Variants in ERCC5 observed in about 807,000 individuals in gnomAD.
The protein encoded by ERCC5 is ERCC excision repair 5, endonuclease.
A neutral mutation model predicts 105.6 loss-of-function variants in ERCC5; 68 were observed. The observed-to-expected ratio is 0.64, with a 90% confidence interval of 0.53 to 0.79. ERCC5 has a LOEUF of 0.79. Among genes scored for constraint, ERCC5 ranks in the 30% least tolerant of loss-of-function variants. The probability of loss-of-function intolerance (pLI) is 0.00; values close to 1 mark genes in which losing one functional copy is unlikely to be tolerated. For synonymous variants in ERCC5, 546 were observed against 526.2 expected (o/e 1.04, Z -0.51); for missense variants, 1,373 against 1,426.7 (o/e 0.96, Z 0.61).
At chr13:102,866,160 A>G (rs1882828663) in intron 9 of ERCC5, 102 bp from the exon 10 acceptor site, 13 of 1,559,338 alleles carry the variant, frequency 8.3e-6, no homozygotes, top group Non-Finnish European at 1.1e-5. Context: ...CTAAGGAGAA[A>G]GAGCTTATTG....
intron 1 of ERCC5, 74 bp downstream of exon 1, chr13:102,846,428 G>C (rs1295245725): frequency 7.7e-7 from 1 of 1,293,910 alleles, no homozygotes; most frequent in Non-Finnish European, 1.1e-6. Flanking sequence ...TCTGCCTTGG[G>C]CACAGTGGCA....
In ERCC5 at chr13:102,865,823, A is replaced by G. The variant is rs754877957; in HGVS notation, c.2111A>G (p.Asn704Ser). Reference protein sequence around the residue: ...PAESESLLRDNSERDDVDGEP... With the variant: ...PAESESLLRDSSERDDVDGEP... ...GAGTCCGAGAGCCTCCTGAGGGACA[A>G]CTCTGAGAGGGACGACGTGGATGGT... Residue 704 changes from asparagine (N) to serine (S), a missense_variant, in exon 9 of 15, where the codon AAC becomes AGC. Coordinates refer to ENST00000652225, the MANE Select transcript of ERCC5 (RefSeq NM_000123.4). The surrounding 1 kb of genome is among the most constrained non-coding windows in gnomAD (Gnocchi z 4.0). 32 of 1,614,192 alleles carry G rather than the reference A, an allele frequency of 2.0e-5. No individual in the cohort carries two copies. The highest frequency in any genetic ancestry group is 5.5e-5 in the South Asian group (5 of 91,082).
intron 1 of ERCC5, 96 bp downstream of exon 1, chr13:102,846,450 A>T: frequency 9.0e-7 from 1 of 1,107,584 alleles, no homozygotes; most frequent in Non-Finnish European, 1.4e-6. Flanking sequence ...CTGCAGGATG[A>T]TGGTCTTGGG....
At chr13:102,847,640 G>A (rs1882028600) in intron 1 of ERCC5, among the ~76,000 whole-genome samples, 2 of 152,062 alleles carry the variant, frequency 1.3e-5, no homozygotes, top group South Asian at 2.1e-4. Flanking sequence ...TTTATACAGG[G>A]TACTTTGAAT....
intron 12 of ERCC5, 120 bp from the exon 13 acceptor site, chr13:102,872,078 T>A: frequency 8.7e-7 from 1 of 1,154,142 alleles, no homozygotes. Flanking sequence ...AAATATTCTA[T>A]ATAGCATACA....
intron 7 of ERCC5, 95 bp from the exon 8 acceptor site, chr13:102,861,935 A>C (rs912110548): frequency 2.7e-6 from 4 of 1,508,480 alleles, no homozygotes; most frequent in South Asian, 1.1e-5. Flanking sequence ...GTATATACTT[A>C]TTTATGAGAA....
chr13:102,875,599 G>A lies in ERCC5; in HGVS notation c.3257G>A (p.Gly1086Glu), dbSNP rs1248798110. The A allele has an allele frequency of 1.2e-6, 2 of 1,613,530 alleles. No homozygotes were observed. Among genetic ancestry groups the A allele is most frequent in the East Asian group, 2.2e-5 (1 of 44,880 alleles). The change falls in exon 15 of 15, where the codon GGA becomes GAA. Residue 1086 changes from glycine (G) to glutamate (E), a missense_variant. By Grantham distance (98) the Gly-to-Glu change is moderately conservative. Around this residue, in one of 3 missense-constraint regions of ERCC5, gnomAD observed 367 missense variants for 350.2 expected, o/e 1.05. Transcript: ENST00000652225. ...TCTAAAGGAAAGAATACATGCGGTG[G>A]ATTTTTGGGGGAGACCTGCCTCTCA... ...SDSKGKNTCG[G>E]FLGETCLSES...
chr13:102,871,398 T>C (rs903980283), intron 12 of ERCC5, among the ~76,000 whole-genome samples: 10 of 152,164 alleles, frequency 6.6e-5, no homozygotes, highest in Non-Finnish European at 1.3e-4. Flanking sequence ...ATGGAAAACA[T>C]TGAAAAATGA....
At chr13:102,848,303 G>GT (rs1882058631) in intron 1 of ERCC5, among the ~76,000 whole-genome samples, 1 of 152,044 alleles carries the variant, frequency 6.6e-6, no homozygotes, top group Admixed American at 6.6e-5. Flanking sequence ...TTATTGTATT[G>GT]TTTGTTAATG....
chr13:102,865,300 T>C lies in ERCC5; in HGVS notation c.1955-367T>C. On this transcript the variant is annotated intron_variant, in intron 8 of 14. Transcript: ENST00000652225. The surrounding 1 kb of genome is among the most constrained non-coding windows in gnomAD (Gnocchi z 4.0). ...TTTATTCTGTGCTGTGTAAATAGCATAAAAACATACTGAGCAACTTCCATG... is the reference window on the plus strand; with the variant it reads ...TTTATTCTGTGCTGTGTAAATAGCACAAAAACATACTGAGCAACTTCCATG... The C allele has an allele frequency of 3.0e-6, 1 of 334,776 alleles. No individual in the cohort carries two copies. Among genetic ancestry groups the C allele is most frequent in the Non-Finnish European group, 5.8e-6 (1 of 173,608 alleles). The allele number at this position is 334,776 out of a possible 1,614,324, so 20.7% of individuals were successfully genotyped here.
At chr13:102,855,832 T>G (rs1882394395) in intron 4 of ERCC5, among the ~76,000 whole-genome samples, 1 of 152,160 alleles carries the variant, frequency 6.6e-6, no homozygotes, top group South Asian at 2.1e-4. Flanking sequence ...CTATTGCATC[T>G]CTAGTGACCT....
At chr13:102,854,405 T>G (rs1882325517) in intron 4 of ERCC5, 31 bp downstream of exon 4, 4 of 1,601,036 alleles carry the variant, frequency 2.5e-6, no homozygotes, top group Non-Finnish European at 3.4e-6. Context: ...GAATATTATT[T>G]TAGTCATTGC....
chr13:102,866,032 T>C (rs1882822012), intron 9 of ERCC5, 121 bp downstream of exon 9: 1 of 1,580,296 alleles, frequency 6.3e-7, no homozygotes, highest in Non-Finnish European at 8.7e-7. Context: ...TTGTGGTTGC[T>C]GATGGCTTCA....
rs747830727 is a variant in ERCC5 at position 102,862,819 on chromosome 13, A to C, written c.1670A>C (p.Asp557Ala). 4 of 1,614,212 alleles carry C rather than the reference A, an allele frequency of 2.5e-6. No homozygotes were observed. Among genetic ancestry groups the C allele is most frequent in the South Asian group, 1.1e-5 (1 of 91,086 alleles). ...NELCPYESKFDSSLLSSDDET... is the reference protein window; with the variant it reads ...NELCPYESKFASSLLSSDDET... ...CTTTGCCCATATGAGAGTAAATTCG[A>C]TTCTTCTCTTCTTTCAAGTGATGAT... Residue 557 changes from aspartate to alanine, a missense_variant, in exon 8 of 15, where the codon GAT (aspartate) becomes GCT (alanine). Transcript: ENST00000652225.
At chr13:102,861,755 A>G (rs765460255) in intron 7 of ERCC5, 41 bp downstream of exon 7, 1 of 1,609,234 alleles carries the variant, frequency 6.2e-7, no homozygotes, top group South Asian at 1.1e-5. Context: ...TTAAAAAATC[A>G]AAGATATATC....
chr13:102,865,576 T>G lies in ERCC5; in HGVS notation c.1955-91T>G. The G allele has an allele frequency of 6.5e-7, 1 of 1,543,910 alleles. No homozygotes were observed. The highest frequency in any genetic ancestry group is 8.8e-7 in the Non-Finnish European group (1 of 1,135,088). ...TATCTTTCCTTTTTAGGATGTAGCA[T>G]TTTTCAGGTTCCTCCAGAAAGCTCT... On this transcript the variant is annotated intron_variant, in intron 8 of 14. Coordinates refer to ENST00000652225, the MANE Select transcript of ERCC5 (RefSeq NM_000123.4). The surrounding 1 kb of genome is among the most constrained non-coding windows in gnomAD (Gnocchi z 4.0).
In ERCC5 at chr13:102,863,110, G is replaced by T; in HGVS notation, c.1954+7G>T. 6.2e-7 allele frequency: 1 copy of T among 1,612,402 alleles called. No homozygotes were observed. Among genetic ancestry groups the T allele is most frequent in the Admixed American group, 1.7e-5 (1 of 60,030 alleles). ...GAAGAAAGTGAATCTGATGGTACGT[G>T]TCTGTGCTTTTGTAGAAATCTGGAA... On this transcript the variant is annotated splice_region_variant and intron_variant, in intron 8 of 14. Transcript: ENST00000652225.
At chr13:102,850,423 C>T (rs764443627) in intron 1 of ERCC5, among the ~76,000 whole-genome samples, 2 of 151,982 alleles carry the variant, frequency 1.3e-5, no homozygotes, top group Non-Finnish European at 2.9e-5. Context: ...TTGAGGAAAG[C>T]CCAGTAGCAG....
chr13:102,854,485 T>C lies in ERCC5; in HGVS notation c.467+111T>C, dbSNP rs55875760. The C allele has an allele frequency of 2.7e-5, 28 of 1,046,804 alleles. No individual in the cohort carries two copies. The East Asian group carries it at 7.2e-4, about 27-fold the overall frequency. 64.8% of individuals were successfully genotyped at this position (1,046,804 alleles called of 1,614,324 possible). Reference sequence around the variant, plus strand: ...AGGCATGTGAACATTTCTTAATGCATCTGAAATAGGCATGCTCTATACCTT... The same window carrying C: ...AGGCATGTGAACATTTCTTAATGCACCTGAAATAGGCATGCTCTATACCTT... On this transcript the variant is annotated intron_variant, in intron 4 of 14. Transcript: ENST00000652225.
Sources: gnomAD v4.1 joint callset for allele counts (sites outside exome capture counted in the v4.1 genomes callset) on GRCh38, gnomAD v4.1.1 for gene constraint, gnomAD v4.1.1 regional missense constraint, Gnocchi (gnomAD v3.1) non-coding constraint, MANE v1.5 for transcripts, NCBI Gene and HGNC (gene_info 2026-07-23, HGNC 2026-07-21) for gene names.